The following RBBP8 variants were observed in gnomAD, a reference collection of about 807,000 sequenced individuals.
RBBP8 encodes the protein DNA endonuclease RBBP8.
In RBBP8, 88 loss-of-function variants were observed where a neutral mutation model predicts 108.3. The ratio of observed to expected loss-of-function variants is 0.81; its 90% CI spans 0.68 to 0.97. The LOEUF (loss-of-function observed/expected upper bound fraction) is 0.97. Among genes scored for constraint, RBBP8 ranks in the 50% least tolerant of loss-of-function variants. The pLI, the probability that RBBP8 is intolerant of heterozygous loss-of-function variation, is 0.00. For missense variants in RBBP8, 1,023 were observed against 1,049.0 expected, an observed-to-expected ratio of 0.98 and a Z score of 0.34; for synonymous variants, 332 against 348.2, an observed-to-expected ratio of 0.95 and a Z score of 0.52.
chr18:23,010,545 T>C (rs754605406), intron 16 of RBBP8, among the ~76,000 whole-genome samples: 1 of 151,934 alleles, frequency 6.6e-6, no homozygotes, highest in Non-Finnish European at 1.5e-5. Flanking sequence ...TGCAGTAAGC[T>C]ATGATCACAC....
chr18:22,989,647 C>T (rs544962807), intron 9 of RBBP8, among the ~76,000 whole-genome samples: 16 of 151,594 alleles, frequency 1.1e-4, no homozygotes, highest in African/African-American at 3.9e-4. Flanking sequence ...AGGTTGATTT[C>T]AGAATTGTTG....
intron 16 of RBBP8, among the ~76,000 whole-genome samples, chr18:23,007,021 CT>C (rs540477870): frequency 2.5e-3 from 331 of 134,750 alleles, no homozygotes; most frequent in Non-Finnish European, 2.6e-3. Flanking sequence ...GTGTGTATTT[CT>C]TTTTTTTTTT....
upstream of RBBP8, chr18:22,929,477 T>TGTGTGTGTGTGG: frequency 2.0e-4 from 1 of 5,100 alleles, no homozygotes; most frequent in Non-Finnish European, 3.5e-4. Context: ...TGTGTGTGTG[T>TGTGTGTGTGTGG]GTGTGTGTGT....
chr18:23,017,008 A>G (rs1423404436), intron 17 of RBBP8, 84 bp downstream of exon 17: 1 of 1,034,266 alleles, frequency 9.7e-7, no homozygotes, highest in Non-Finnish European at 1.5e-6. Context: ...ACGTATACAA[A>G]CCATATTGGT....
chr18:22,928,510 T>G (rs542710589), upstream of RBBP8, among the ~76,000 whole-genome samples: 1 of 152,070 alleles, frequency 6.6e-6, no homozygotes, highest in East Asian at 1.9e-4. Flanking sequence ...AAACATTGTA[T>G]GAGCCAAGAG....
chr18:22,978,681 T>G (rs1914668016), intron 6 of RBBP8, among the ~76,000 whole-genome samples: 1 of 152,164 alleles, frequency 6.6e-6, no homozygotes, highest in Non-Finnish European at 1.5e-5. Context: ...CACACTCCAT[T>G]AATTTATAAG....
chr18:22,995,585 T>C (rs1476894741), intron 12 of RBBP8, among the ~76,000 whole-genome samples: 1 of 152,228 alleles, frequency 6.6e-6, no homozygotes, highest in African/African-American at 2.4e-5. Flanking sequence ...TCTGCAGTCC[T>C]AGGCACCTTA....
At chr18:22,944,109 G>A (rs908464962) in intron 2 of RBBP8, among the ~76,000 whole-genome samples, 2 of 152,164 alleles carry the variant, frequency 1.3e-5, no homozygotes, top group Non-Finnish European at 2.9e-5. Context: ...TGGGTGTGGA[G>A]CAGGATTAAA....
intron 5 of RBBP8, among the ~76,000 whole-genome samples, chr18:22,970,029 T>C (rs973324842): frequency 6.6e-6 from 1 of 152,202 alleles, no homozygotes; most frequent in African/African-American, 2.4e-5. Flanking sequence ...TCAAGTACCT[T>C]ATATAAAGTC....
chr18:22,989,514 G>C (rs1915540159), intron 9 of RBBP8, among the ~76,000 whole-genome samples, 196 bp downstream of exon 9: 2 of 152,138 alleles, frequency 1.3e-5, no homozygotes. Context: ...TAGAATTCTT[G>C]GGATATGGGT....
At chr18:22,997,560 AAATAT>A (rs2045880753) in intron 13 of RBBP8, 55 bp from the exon 14 acceptor site, 1 of 1,040,264 alleles carries the variant, frequency 9.6e-7, no homozygotes, top group African/African-American at 1.6e-5. Context: ...TGTAAAAATT[AAATAT>A]AAGACCATAA....
At chr18:22,920,309 G>A (rs1909536126) in intron 3 of RBBP8, among the ~76,000 whole-genome samples, 2 of 152,060 alleles carry the variant, frequency 1.3e-5, no homozygotes, top group African/African-American at 2.4e-5. Flanking sequence ...ATAAATAAAT[G>A]GTTTTATACA....
At chr18:23,024,231 T>G (rs2046419640) in intron 18 of RBBP8, among the ~76,000 whole-genome samples, 1 of 152,174 alleles carries the variant, frequency 6.6e-6, no homozygotes, top group Non-Finnish European at 1.5e-5. Context: ...CATTATTGTA[T>G]TCTTAGACTT....
At chr18:22,997,896 G>A (rs922859479) in intron 14 of RBBP8, among the ~76,000 whole-genome samples, 162 bp downstream of exon 14, 20 of 151,982 alleles carry the variant, frequency 1.3e-4, no homozygotes, top group Admixed American at 5.9e-4. Flanking sequence ...GTTTCAGTGC[G>A]TCAGAAAAAA....
intron 6 of RBBP8, among the ~76,000 whole-genome samples, chr18:22,977,027 A>G (rs1329139962): frequency 6.6e-6 from 1 of 152,120 alleles, no homozygotes; most frequent in African/African-American, 2.4e-5. Context: ...GAGTAATCAT[A>G]TAGATGAGCT....
chr18:22,948,154 A>G (rs920339904), intron 3 of RBBP8, among the ~76,000 whole-genome samples: 2 of 152,056 alleles, frequency 1.3e-5, no homozygotes, highest in African/African-American at 4.8e-5. Context: ...TTTAAGGCAA[A>G]TGTGTGTAAA....
chr18:22,972,876 C>T (rs1393031740), intron 5 of RBBP8, among the ~76,000 whole-genome samples: 1 of 152,094 alleles, frequency 6.6e-6, no homozygotes, highest in African/African-American at 2.4e-5. Flanking sequence ...AGAATCCTTG[C>T]TTTGCTGATA....
At chr18:22,962,349 C>T (rs958315359) in intron 4 of RBBP8, among the ~76,000 whole-genome samples, 3 of 152,054 alleles carry the variant, frequency 2.0e-5, no homozygotes, top group Non-Finnish European at 4.4e-5. Context: ...GTACTCTATC[C>T]TCATTCACCT....
At chr18:22,967,894 G>A (rs1006793279) in intron 4 of RBBP8, among the ~76,000 whole-genome samples, 25 of 152,082 alleles carry the variant, frequency 1.6e-4, no homozygotes, top group East Asian at 5.8e-4. Flanking sequence ...TGTTCCGCCC[G>A]CCTCGGCCTC....
Sources: allele counts gnomAD v4.1 joint callset (sites outside exome capture counted in the v4.1 genomes callset), GRCh38; gene constraint gnomAD v4.1.1; transcripts MANE v1.5; gene names NCBI Gene and HGNC (gene_info 2026-07-23, HGNC 2026-07-21).